Variants in CATSPERE observed in about 807,000 individuals in gnomAD.
CATSPERE encodes the protein catsper channel auxiliary subunit epsilon.
CATSPERE carries 93 observed loss-of-function variants against 114.1 expected under a neutral mutation model. The ratio of observed to expected loss-of-function variants is 0.81; its 90% confidence interval spans 0.69 to 0.97. CATSPERE has a LOEUF of 0.97. Ranked by LOEUF, CATSPERE falls within the 50% of genes least tolerant of loss-of-function variation. The pLI, the probability that CATSPERE is intolerant of heterozygous loss-of-function variation, is 0.00. For synonymous variants in CATSPERE, 341 were observed against 384.1 expected, an observed-to-expected ratio of 0.89 and a Z score of 1.31; for missense variants, 1,058 against 1,131.6, an observed-to-expected ratio of 0.93 and a Z score of 0.93.
At chr1:244,516,141 T>C (rs1676575169) in intron 7 of CATSPERE, among the ~76,000 whole-genome samples, 1 of 151,718 alleles carries the variant, frequency 6.6e-6, no homozygotes, top group African/African-American at 2.4e-5. Context: ...CAGTGAGCTG[T>C]GATTGAGCCA....
chr1:244,464,271 C>CCCATG (rs1667249495), intron 2 of CATSPERE, among the ~76,000 whole-genome samples: 1 of 152,190 alleles, frequency 6.6e-6, no homozygotes, highest in Non-Finnish European at 1.5e-5. Context: ...AATTATACAA[C>CCCATG]AGGTATAAAT....
At chr1:244,489,966 C>G (rs991732535) in intron 5 of CATSPERE, among the ~76,000 whole-genome samples, 5 of 152,116 alleles carry the variant, frequency 3.3e-5, no homozygotes, top group Admixed American at 3.3e-4. Context: ...ATTAAGAAAC[C>G]TCAACATTTA....
intron 20 of CATSPERE, among the ~76,000 whole-genome samples, chr1:244,621,632 C>G (rs1672410454): frequency 6.6e-6 from 1 of 151,764 alleles, no homozygotes; most frequent in South Asian, 2.1e-4. Context: ...ACAAAACCAA[C>G]CTACAAAGTC....
chr1:244,613,237 G>C (rs1043887237), intron 19 of CATSPERE, among the ~76,000 whole-genome samples: 2 of 151,964 alleles, frequency 1.3e-5, no homozygotes, highest in Admixed American at 1.3e-4. Flanking sequence ...GTTTATTTTT[G>C]ACCTGGAAGA....
At chr1:244,491,347 G>A (rs1156289001) in intron 6 of CATSPERE, among the ~76,000 whole-genome samples, 2 of 152,014 alleles carry the variant, frequency 1.3e-5, no homozygotes, top group Non-Finnish European at 1.5e-5. Context: ...AATGACTACT[G>A]GGTACATAAC....
At chr1:244,487,491 G>A (rs1406814683) in intron 5 of CATSPERE, among the ~76,000 whole-genome samples, 1 of 152,108 alleles carries the variant, frequency 6.6e-6, no homozygotes, top group Non-Finnish European at 1.5e-5. Flanking sequence ...ATTAGGGGGA[G>A]GCAAGAGGTT....
intron 7 of CATSPERE, among the ~76,000 whole-genome samples, chr1:244,514,213 G>A (rs755800094): frequency 1.6e-4 from 24 of 152,070 alleles, no homozygotes; most frequent in Non-Finnish European, 3.1e-4. Flanking sequence ...GAGTTTTATC[G>A]TTTAGCTCTT....
Position 244,614,326 on chromosome 1 carries a change from TGCCACAGACAGG to T in CATSPERE, c.2491-3200_2491-3189del, listed in dbSNP as rs531325579. ...CTTGGAGTTTCCTTTCCGGAAAGACTGCCACAGACAGGGCAGGTATAGCAACATGAGCACACA... is the reference window on the plus strand; with the variant it reads ...CTTGGAGTTTCCTTTCCGGAAAGACTGCAGGTATAGCAACATGAGCACACA... On this transcript the variant is annotated intron_variant, in intron 19 of 21. Coordinates refer to ENST00000366534, the MANE Select transcript of CATSPERE (RefSeq NM_001130957.2). 3.6e-4 allele frequency among the ~76,000 whole-genome samples: 55 copies of T among 152,284 alleles called. No homozygotes were observed. The East Asian group carries it at 5.2e-3, about 14-fold the overall frequency.
intron 20 of CATSPERE, among the ~76,000 whole-genome samples, chr1:244,634,220 A>T (rs1000472099): frequency 6.6e-6 from 1 of 152,156 alleles, no homozygotes; most frequent in Non-Finnish European, 1.5e-5. Context: ...TTACATGCCA[A>T]TTCCACAAGT....
chr1:244,459,844 G>A (rs539114108), upstream of CATSPERE, among the ~76,000 whole-genome samples: 8 of 152,278 alleles, frequency 5.3e-5, no homozygotes, highest in East Asian at 1.5e-3. Flanking sequence ...GCAACTCTTG[G>A]AAACTCAACC....
intron 20 of CATSPERE, among the ~76,000 whole-genome samples, chr1:244,625,353 G>T (rs1185836886): frequency 2.1e-4 from 10 of 46,570 alleles, no homozygotes; most frequent in Non-Finnish European, 5.2e-4. Flanking sequence ...TTTGTTTTTT[G>T]GGGGGGTTTA....
At chr1:244,545,072 C>T (rs559719636) in intron 8 of CATSPERE, among the ~76,000 whole-genome samples, 5 of 152,242 alleles carry the variant, frequency 3.3e-5, no homozygotes, top group Admixed American at 3.3e-4. Flanking sequence ...ATATTGATGA[C>T]ATTATGTTGA....
chr1:244,469,212 T>A (rs1041457955), intron 2 of CATSPERE, among the ~76,000 whole-genome samples: 8 of 152,180 alleles, frequency 5.3e-5, no homozygotes, highest in Admixed American at 4.6e-4. Flanking sequence ...TTGAAACTTT[T>A]ATTAGTAAAA....
intron 20 of CATSPERE, among the ~76,000 whole-genome samples, chr1:244,623,428 T>C (rs557805894): frequency 6.6e-6 from 1 of 152,196 alleles, no homozygotes; most frequent in African/African-American, 2.4e-5. Context: ...CTTGTGGGGA[T>C]AACATGAAAA....
At chr1:244,516,488 C>T (rs1676642116) in intron 7 of CATSPERE, among the ~76,000 whole-genome samples, 1 of 151,698 alleles carries the variant, frequency 6.6e-6, no homozygotes, top group African/African-American at 2.4e-5. Flanking sequence ...GCTGGGACTA[C>T]AGGTGCGCAC....
intron 9 of CATSPERE, among the ~76,000 whole-genome samples, chr1:244,558,219 G>A (rs1661990390): frequency 7.3e-6 from 1 of 137,916 alleles, no homozygotes. Context: ...TCAGCTCACT[G>A]CAACCTCCGC....
intron 5 of CATSPERE, among the ~76,000 whole-genome samples, chr1:244,487,327 G>A (rs974019023): frequency 5.3e-5 from 8 of 152,012 alleles, no homozygotes; most frequent in African/African-American, 1.7e-4. Flanking sequence ...CAGCCCACCA[G>A]CCGCCATATT....
At chr1:244,516,575 G>T (rs1358382240) in intron 7 of CATSPERE, among the ~76,000 whole-genome samples, 1 of 151,648 alleles carries the variant, frequency 6.6e-6, no homozygotes, top group Admixed American at 6.6e-5. Flanking sequence ...AGGCTGGAGT[G>T]CAGTGGCACG....
rs142677420 is a variant in CATSPERE at position 244,526,389 on chromosome 1, A to G, written c.536+7691A>G. 1.4e-4 allele frequency among the ~76,000 whole-genome samples: 22 copies of G among 152,082 alleles called. No individual in the cohort carries two copies. In the East Asian group the frequency reaches 4.1e-3, roughly 28 times the overall value. On this transcript the variant is annotated intron_variant, in intron 8 of 21. Transcript: ENST00000366534. ...GGGCCACTACACTTCAACCTGGGTG[A>G]CAATGAGACCCTGTATCAAAAAGAA...
Sources: allele counts gnomAD v4.1 joint callset (sites outside exome capture counted in the v4.1 genomes callset), GRCh38; gene constraint gnomAD v4.1.1; transcripts MANE v1.5; gene names NCBI Gene and HGNC (gene_info 2026-07-23, HGNC 2026-07-21).